Variants in MATN2 observed in about 807,000 individuals in gnomAD.
The protein encoded by MATN2 is matrilin 2.
Under a neutral mutation model 103.2 loss-of-function variants are expected in MATN2, and 69 were observed. The ratio of observed to expected loss-of-function variants is 0.67; its 90% CI spans 0.55 to 0.82. MATN2 has a LOEUF of 0.82. Ranked by LOEUF, MATN2 falls within the 40% of genes least tolerant of loss-of-function variation. The pLI is 0.00. For missense variants in MATN2, 1,023 were observed against 1,211.5 expected (o/e 0.84, Z 2.31); for synonymous variants, 429 against 450.2 (o/e 0.95, Z 0.60).
At chr8:97,933,894 T>G (rs1191827271) in intron 3 of MATN2, among the ~76,000 whole-genome samples, 1 of 152,102 alleles carries the variant, frequency 6.6e-6, no homozygotes, top group Non-Finnish European at 1.5e-5. Context: ...GTAACTAACA[T>G]TTATAAAGCA....
chr8:97,922,209 A>T (rs955509003), intron 2 of MATN2, among the ~76,000 whole-genome samples: 5 of 152,106 alleles, frequency 3.3e-5, no homozygotes, highest in Non-Finnish European at 7.3e-5. Flanking sequence ...TTGTATTCTG[A>T]TGTGCTAGTT....
Position 98,035,671 on chromosome 8 carries a change from C to T in MATN2, c.2830C>T (p.Gln944Ter), listed in dbSNP as rs749858869. ...TTGAGATTTACTAGAAGAAATGACA[C>T]AGAGAATGGAAGCCCTGGAAAATCG... ...KLTQRLEEMTQRMEALENRLR... is the reference protein window; with the variant it reads ...KLTQRLEEMT Residue 944 changes from glutamine (Q) to a stop codon, truncating the protein, a stop_gained, in exon 19 of 19, where the codon CAG becomes TAG. Transcript: ENST00000254898. LOFTEE classifies it high-confidence loss of function. 1.0e-5 allele frequency: 16 copies of T among 1,586,550 alleles called. No individual in the cohort carries two copies. The highest frequency in any genetic ancestry group is 1.3e-5 in the African/African-American group (1 of 74,300).
chr8:97,878,388 C>T (rs1035968798), intron 1 of MATN2, among the ~76,000 whole-genome samples: 1 of 151,978 alleles, frequency 6.6e-6, no homozygotes, highest in Admixed American at 6.6e-5. Context: ...ATGGCAAAAC[C>T]CCATCTCTAC....
intron 2 of MATN2, among the ~76,000 whole-genome samples, chr8:97,908,971 C>G (rs945210145): frequency 3.9e-5 from 6 of 152,060 alleles, no homozygotes; most frequent in African/African-American, 1.2e-4. Flanking sequence ...CAGGGTCTCA[C>G]TCTGTTGCCC....
chr8:98,033,588 A>G lies in MATN2; in HGVS notation c.2744A>G (p.Gln915Arg), dbSNP rs1298752786. 1.2e-6 allele frequency: 2 copies of G among 1,600,398 alleles called. No homozygotes were observed. Among genetic ancestry groups the G allele is most frequent in the Non-Finnish European group, 1.7e-6 (2 of 1,174,540 alleles). Residue 915 changes from glutamine to arginine, a missense_variant, in exon 18 of 19, where the codon CAA (glutamine) becomes CGA (arginine). Gln to Arg is a conservative substitution (Grantham distance 43). Coordinates refer to ENST00000254898, the MANE Select transcript of MATN2 (RefSeq NM_002380.5). ...SGSPLEEKHD[Q>R]CKCENLIMFQ... ...AGCCCTTTGGAAGAAAAACACGATC[A>G]ATGCAAATGTGAAAACCTTATAATG... is the stretch of plus-strand genomic sequence containing the variant.
intron 10 of MATN2, among the ~76,000 whole-genome samples, chr8:98,014,685 A>C (rs1813298274): frequency 1.3e-5 from 2 of 152,218 alleles, no homozygotes; most frequent in African/African-American, 2.4e-5. Flanking sequence ...TCTTGTTAAC[A>C]ATTGGTCTTG....
Position 97,987,893 on chromosome 8 carries a change from GT to G in MATN2, c.1082-6579del, listed in dbSNP as rs1003534074. Among the ~76,000 whole-genome samples, 337 of 151,536 alleles carry G rather than the reference GT, an allele frequency of 2.2e-3. 2 individuals are homozygous for G. The highest frequency in any genetic ancestry group is 7.5e-3 in the African/African-American group (311 of 41,290). The stretch of plus-strand genomic sequence containing the variant: ...AGATAATTGGTAAAAACCAAAATGT[GT>G]TTTTTTTAGAAGATTAATAAAATTG... On this transcript the variant is annotated intron_variant, in intron 6 of 18. Transcript: ENST00000254898.
intron 6 of MATN2, among the ~76,000 whole-genome samples, chr8:97,987,808 A>C (rs1812245512): frequency 6.6e-6 from 1 of 152,172 alleles, no homozygotes; most frequent in Non-Finnish European, 1.5e-5. Flanking sequence ...GACATTCAAG[A>C]GAGAGGGAAT....
chr8:97,873,140 G>A (rs1357851234), intron 1 of MATN2, among the ~76,000 whole-genome samples: 5 of 152,120 alleles, frequency 3.3e-5, no homozygotes, highest in Non-Finnish European at 7.3e-5. Flanking sequence ...TGGGGATTAG[G>A]CCATAGACAT....
intron 15 of MATN2, chr8:98,032,043 CTT>C (rs1278827983): frequency 2.3e-6 from 1 of 425,640 alleles, no homozygotes; most frequent in East Asian, 3.7e-5. Context: ...CCAAGCTTCT[CTT>C]ACGAGAGAGA....
intron 18 of MATN2, chr8:98,033,868 C>T: frequency 1.8e-6 from 1 of 548,704 alleles, no homozygotes; most frequent in South Asian, 2.3e-5. Context: ...CAGTCAAGCA[C>T]TTAGTTGCCA....
intron 2 of MATN2, among the ~76,000 whole-genome samples, chr8:97,917,110 A>G (rs113079580): frequency 1.2e-3 from 190 of 152,230 alleles, no homozygotes; most frequent in African/African-American, 4.1e-3. Flanking sequence ...TTTAGGGAGC[A>G]TCCTTGCTAC....
chr8:98,027,548 C>CT lies in MATN2; in HGVS notation c.2076dup (p.Arg693SerfsTer51). 1.2e-6 allele frequency: 2 copies of CT among 1,613,936 alleles called. No homozygotes were observed. The highest frequency in any genetic ancestry group is 1.7e-6 in the Non-Finnish European group (2 of 1,179,884). ...TCCTTGACAATTTCCCCCAAAGCCG[C>CT]TCGAGTGGGGCTGCTCCAGTATTCC... On this transcript the variant is annotated frameshift_variant, in exon 14 of 19. Transcript: ENST00000254898. LOFTEE classifies it high-confidence loss of function.
intron 5 of MATN2, among the ~76,000 whole-genome samples, chr8:97,974,044 A>G (rs970693813): frequency 2.6e-5 from 4 of 152,182 alleles, no homozygotes; most frequent in Non-Finnish European, 5.9e-5. Context: ...AATTTTGGTT[A>G]GCAAATTGCT....
intron 2 of MATN2, among the ~76,000 whole-genome samples, chr8:97,890,480 AG>A (rs1318229610): frequency 1.5e-4 from 23 of 151,586 alleles, no homozygotes; most frequent in Non-Finnish European, 3.1e-4. Context: ...AAAAAAAAAA[AG>A]AAAATAGTGG....
chr8:97,988,189 T>TATATATATATATATACAC lies in MATN2; in HGVS notation c.1082-6290_1082-6289insTATATATATATATACACA, dbSNP rs71570279. Among the ~76,000 whole-genome samples the TATATATATATATATACAC allele has an allele frequency of 1.0e-3, 57 of 54,892 alleles. 2 individuals are homozygous for TATATATATATATATACAC. The highest frequency in any genetic ancestry group is 3.9e-3 in the African/African-American group (50 of 12,820). The allele number at this position is 54,892 out of a possible 152,430, so 36.0% of individuals were successfully genotyped here. On this transcript the variant is annotated intron_variant, in intron 6 of 18. Transcript: ENST00000254898. Reference sequence around the variant, plus strand: ...AAAAAAAAATATATATATATATATATACACACACACACATATGTATACACA... The same window carrying TATATATATATATATACAC: ...AAAAAAAAATATATATATATATATATATATATATATATATACACACACACACACACATATGTATACACA...
intron 13 of MATN2, chr8:98,025,530 A>G: frequency 4.1e-6 from 1 of 244,944 alleles, no homozygotes; most frequent in Non-Finnish European, 8.2e-6. Flanking sequence ...GGTGGATCAC[A>G]AGGTCAGGAG....
chr8:97,977,321 T>A (rs1411700559), intron 5 of MATN2, among the ~76,000 whole-genome samples: 2 of 145,818 alleles, frequency 1.4e-5, no homozygotes. Context: ...AGTGTTTGGG[T>A]CGTAGGGACA....
chr8:97,976,661 A>T (rs1279837882), intron 5 of MATN2, among the ~76,000 whole-genome samples: 1 of 151,456 alleles, frequency 6.6e-6, no homozygotes, highest in Non-Finnish European at 1.5e-5. Context: ...CTTTTTTTTG[A>T]AAAGGGACTG....
Sources: gnomAD v4.1 joint callset for allele counts (sites outside exome capture counted in the v4.1 genomes callset) on GRCh38, gnomAD v4.1.1 for gene constraint, MANE v1.5 for transcripts, NCBI Gene and HGNC (gene_info 2026-07-23, HGNC 2026-07-21) for gene names.